POLA2: variants seen among roughly 807,000 people sequenced by gnomAD.
The protein encoded by POLA2 is DNA polymerase alpha 2, accessory subunit.
In POLA2, 47 loss-of-function variants were observed where a neutral mutation model predicts 82.8. The ratio of observed to expected loss-of-function variants is 0.57; its 90% CI spans 0.45 to 0.72. The LOEUF is 0.72. Among genes scored for constraint, POLA2 ranks in the 30% least tolerant of loss-of-function variants. POLA2 has a pLI of 0.00. For missense variants in POLA2, 634 were observed against 728.1 expected (o/e 0.87, Z 1.49); for synonymous variants, 287 against 286.8 (o/e 1.00, Z -0.01).
At position 65,305,294 on chromosome 11, in the gene POLA2, A is replaced by G. The variant is rs982071173; in HGVS notation, c.657-79A>G. ...AAGAAACACATGTGGCTCTTAAGCAAATGAAAAGGTGACCAGCCTCACGCA... is the reference window on the plus strand; with the variant it reads ...AAGAAACACATGTGGCTCTTAAGCAGATGAAAAGGTGACCAGCCTCACGCA... On this transcript the variant is annotated intron_variant, in intron 8 of 8. Transcript: ENST00000525924. 3 of 446,534 alleles carry G rather than the reference A, an allele frequency of 6.7e-6. No individual in the cohort carries two copies. The Admixed American group carries it at 7.5e-5, about 11-fold the overall frequency. 27.7% of individuals were successfully genotyped at this position (446,534 alleles called of 1,614,324 possible). A position where few individuals can be genotyped will look rare whatever the true frequency, so the allele number is the denominator to read the frequency against.
intron 1 of POLA2, among the ~76,000 whole-genome samples, chr11:65,265,381 T>C (rs997263795): frequency 1.3e-5 from 2 of 152,212 alleles, no homozygotes; most frequent in African/African-American, 4.8e-5. Context: ...GAATTTTCAG[T>C]CCTCATCTTG....
chr11:65,282,448 G>A (rs1949650917), intron 9 of POLA2, 31 bp from the exon 10 acceptor site: 3 of 1,607,902 alleles, frequency 1.9e-6, no homozygotes, highest in Non-Finnish European at 2.6e-6. Flanking sequence ...CCTGGCGCAA[G>A]ACCTTACTTG....
rs1026248081 is a variant in POLA2, at chr11:65,275,885, T to C, written c.355-7T>C. Reference sequence around the variant, plus strand: ...ACTGAGATTTTGTTTTCCTTTTTTTTCCCTAGGGTTCTCAGAAGCGAGCTA... The same window carrying C: ...ACTGAGATTTTGTTTTCCTTTTTTTCCCCTAGGGTTCTCAGAAGCGAGCTA... On this transcript the variant is annotated splice_polypyrimidine_tract_variant and splice_region_variant and intron_variant, in intron 4 of 17. Coordinates refer to ENST00000265465, the MANE Select transcript of POLA2 (RefSeq NM_002689.4). 8 of 1,569,788 alleles carry C rather than the reference T, an allele frequency of 5.1e-6. No individual in the cohort carries two copies. Among genetic ancestry groups the C allele is most frequent in the Admixed American group, 3.4e-5 (2 of 58,642 alleles).
chr11:65,265,835 A>G (rs1949454332), intron 1 of POLA2, among the ~76,000 whole-genome samples: 1 of 152,124 alleles, frequency 6.6e-6, no homozygotes, highest in South Asian at 2.1e-4. Context: ...TTGCCGATTC[A>G]TCCTCAGAGG....
intron 4 of POLA2, among the ~76,000 whole-genome samples, chr11:65,268,964 A>T (rs1270171518): frequency 6.6e-6 from 1 of 152,174 alleles, no homozygotes; most frequent in Non-Finnish European, 1.5e-5. Context: ...TATAAACATA[A>T]TTTCTCCATA....
chr11:65,279,810 G>T lies in POLA2; in HGVS notation c.744+184G>T, dbSNP rs985647718. 24 of 539,880 alleles carry T rather than the reference G, an allele frequency of 4.4e-5. No individual in the cohort carries two copies. The African/African-American group carries it at 4.5e-4, about 10-fold the overall frequency. 33.4% of individuals were successfully genotyped at this position (539,880 alleles called of 1,614,324 possible). A position where few individuals can be genotyped will look rare whatever the true frequency, so the allele number is the denominator to read the frequency against. On this transcript the variant is annotated intron_variant, in intron 7 of 17. Coordinates refer to ENST00000265465, the MANE Select transcript of POLA2 (RefSeq NM_002689.4). ...TTTGTAAGTGCTGTCTGGTTTTGTGGCCAGAGAGTGATTTTCTTCCCACTT... is the reference window on the plus strand; with the variant it reads ...TTTGTAAGTGCTGTCTGGTTTTGTGTCCAGAGAGTGATTTTCTTCCCACTT...
chr11:65,287,931 C>A, intron 11 of POLA2, 91 bp downstream of exon 11: 1 of 1,207,300 alleles, frequency 8.3e-7, no homozygotes, highest in Non-Finnish European at 1.2e-6. Flanking sequence ...TCAGTCCCTC[C>A]TCCTTTTAGA....
Position 65,278,756 on chromosome 11 carries a change from C to T in POLA2, c.488C>T (p.Ser163Leu), listed in dbSNP as rs760986844. Reference sequence around the variant, plus strand: ...GCTACTCCCTCCCAGAAATACAACTCACGAAGTAACCGAGGAGAAGTGGTT... The same window carrying T: ...GCTACTCCCTCCCAGAAATACAACTTACGAAGTAACCGAGGAGAAGTGGTT... ...PSATPSQKYN[S>L]RSNRGEVVTS... The change falls in exon 6 of 18, where the codon TCA (serine) becomes TTA (leucine). Residue 163 changes from serine to leucine, a missense_variant. Ser to Leu is a moderately radical substitution (Grantham distance 145). Transcript: ENST00000265465. 2.2e-5 allele frequency: 36 copies of T among 1,613,476 alleles called. No homozygotes were observed. Among genetic ancestry groups the T allele is most frequent in the Non-Finnish European group, 2.9e-5 (34 of 1,179,870 alleles).
At chr11:65,267,089 C>T (rs1454380393) in intron 2 of POLA2, among the ~76,000 whole-genome samples, 2 of 151,996 alleles carry the variant, frequency 1.3e-5, no homozygotes, top group African/African-American at 4.8e-5. Flanking sequence ...GCCTGTAATC[C>T]CAGGTACTCG....
At chr11:65,266,466 G>A (rs770615108) in intron 1 of POLA2, 116 bp from the exon 2 acceptor site, 22 of 1,038,894 alleles carry the variant, frequency 2.1e-5, no homozygotes, top group Non-Finnish European at 3.0e-5. Context: ...ACAGTGCCTG[G>A]CACTAATAGA....
At chr11:65,281,458 T>G (rs1949640235) in intron 8 of POLA2, among the ~76,000 whole-genome samples, 1 of 152,210 alleles carries the variant, frequency 6.6e-6, no homozygotes, top group Admixed American at 6.5e-5. Flanking sequence ...AATTCTTACC[T>G]CATAGGATTG....
intron 4 of POLA2, among the ~76,000 whole-genome samples, chr11:65,275,533 A>G (rs1949567827): frequency 6.6e-6 from 1 of 152,232 alleles, no homozygotes. Context: ...GTGTACACAT[A>G]GATCAAAACT....
chr11:65,268,632 G>C lies in POLA2; in HGVS notation c.297-40G>C, dbSNP rs770829819. 1.1e-5 allele frequency: 15 copies of C among 1,348,476 alleles called. No homozygotes were observed. In the South Asian group the frequency reaches 1.8e-4, roughly 16 times the overall value. The allele number at this position is 1,348,476 out of a possible 1,614,324, so 83.5% of individuals were successfully genotyped here. On this transcript the variant is annotated intron_variant, in intron 3 of 17. Transcript: ENST00000265465. ...GCTGGGATTACAGGCATGAGCTACC[G>C]TGCCCAGCCATTATTGTTTTTCTTA...
At chr11:65,303,213 G>C (rs1437779602), downstream of POLA2, among the ~76,000 whole-genome samples, 1 of 152,062 alleles carries the variant, frequency 6.6e-6, no homozygotes, top group Non-Finnish European at 1.5e-5. Context: ...ATGGTGGCAG[G>C]CACCTGTAGT....
intron 4 of POLA2, among the ~76,000 whole-genome samples, chr11:65,269,104 C>G (rs1437248770): frequency 6.6e-6 from 1 of 152,128 alleles, no homozygotes; most frequent in Admixed American, 6.6e-5. Flanking sequence ...GTCAGAAGAC[C>G]TAGGTGACCT....
chr11:65,294,083 G>C (rs1949783401), intron 13 of POLA2, 70 bp from the exon 14 acceptor site: 1 of 1,339,224 alleles, frequency 7.5e-7, no homozygotes. Flanking sequence ...CATCCCACCT[G>C]TTGCGCAGCT....
rs374452315 is a variant in POLA2, at chr11:65,263,508, G to A, written c.79+1137G>A. On this transcript the variant is annotated intron_variant, in intron 1 of 17. Transcript: ENST00000265465. ...CAAAGTGCTGGGATTACAGGCATAA[G>A]CCAGCAGGCTCGGTCCTTCTCTTTT... Among the ~76,000 whole-genome samples the A allele has an allele frequency of 1.9e-3, 286 of 152,250 alleles. 2 individuals carry two copies. Among genetic ancestry groups the A allele is most frequent in the African/African-American group, 6.7e-3 (278 of 41,566 alleles).
rs1949827021 is a variant in POLA2, at chr11:65,297,651, A to G, written c.*382A>G. The G allele has an allele frequency of 6.3e-6, 1 of 159,346 alleles. No homozygotes were observed. The highest frequency in any genetic ancestry group is 1.4e-5 in the Non-Finnish European group (1 of 72,712). 9.9% of individuals were successfully genotyped at this position (159,346 alleles called of 1,614,324 possible). On this transcript the variant is annotated 3_prime_UTR_variant, in exon 18 of 18. Transcript: ENST00000265465. ...TTTGACCTTTCTTCTATTTTCTTTT[A>G]TTTATTTATTTTGTTTTTAGACGGA...
chr11:65,294,542 T>A lies in POLA2; in HGVS notation c.1354-4T>A. On this transcript the variant is annotated splice_polypyrimidine_tract_variant and splice_region_variant and intron_variant, in intron 14 of 17. Transcript: ENST00000265465. Reference sequence around the variant, plus strand: ...ATGTTTGTTTCAATCCGTTCTCATTTTAGCAAGTACAGTTTGTGTCCGAGC... The same window carrying A: ...ATGTTTGTTTCAATCCGTTCTCATTATAGCAAGTACAGTTTGTGTCCGAGC... 6.2e-7 allele frequency: 1 copy of A among 1,605,020 alleles called. No individual in the cohort carries two copies. The highest frequency in any genetic ancestry group is 1.3e-5 in the African/African-American group (1 of 74,726).
Sources: gnomAD v4.1 joint callset for allele counts (sites outside exome capture counted in the v4.1 genomes callset) on GRCh38, gnomAD v4.1.1 for gene constraint, MANE v1.5 for transcripts, NCBI Gene and HGNC (gene_info 2026-07-23, HGNC 2026-07-21) for gene names.